Variants in FBXL17 observed in about 807,000 individuals in gnomAD.
FBXL17 encodes the protein F-box and leucine rich repeat protein 17, also known as F-box/LRR-repeat protein 17.
In FBXL17, 22 loss-of-function variants were observed where a neutral mutation model predicts 66.2. The observed-to-expected ratio is 0.33, with a 90% CI of 0.24 to 0.47. The LOEUF is 0.47. FBXL17 is among the 20% of genes least tolerant of loss of function. The pLI, the probability that FBXL17 is intolerant of heterozygous loss-of-function variation, is 1.00. For synonymous variants in FBXL17, 474 were observed against 400.5 expected, an observed-to-expected ratio of 1.18 and a Z score of -2.19; for missense variants, 878 against 948.2, an observed-to-expected ratio of 0.93 and a Z score of 0.97.
intron 6 of FBXL17, among the ~76,000 whole-genome samples, chr5:108,069,372 A>C (rs1333667081): frequency 6.6e-6 from 1 of 152,230 alleles, no homozygotes; most frequent in African/African-American, 2.4e-5. Flanking sequence ...AAAAATAGGA[A>C]CATTAAGGAT....
chr5:107,920,684 G>T (rs144660951), intron 7 of FBXL17, among the ~76,000 whole-genome samples: 2 of 152,250 alleles, frequency 1.3e-5, no homozygotes, highest in Non-Finnish European at 2.9e-5. Flanking sequence ...AATGACTTCT[G>T]TATAGCACCT....
intron 6 of FBXL17, among the ~76,000 whole-genome samples, chr5:108,088,700 C>CAAAAAAAAAAAAAAAAAA (rs57707936): frequency 8.1e-5 from 4 of 49,346 alleles, no homozygotes; most frequent in African/African-American, 3.5e-4. Context: ...GACTCTATCT[C>CAAAAAAAAAAAAAAAAAA]AAAAAAAAAA....
chr5:108,230,332 A>G (rs1755273328), intron 4 of FBXL17, among the ~76,000 whole-genome samples: 1 of 152,228 alleles, frequency 6.6e-6, no homozygotes, highest in African/African-American at 2.4e-5. Flanking sequence ...AATGCCTATC[A>G]GTCAATGAGG....
chr5:108,286,179 A>G (rs560121968), intron 4 of FBXL17, among the ~76,000 whole-genome samples: 1 of 152,176 alleles, frequency 6.6e-6, no homozygotes, highest in Admixed American at 6.6e-5. Context: ...ACCCACAGCC[A>G]ACATCATACT....
intron 6 of FBXL17, among the ~76,000 whole-genome samples, chr5:108,037,532 T>C (rs1049728017): frequency 6.6e-6 from 1 of 152,210 alleles, no homozygotes; most frequent in South Asian, 2.1e-4. Flanking sequence ...TTACTTGAGG[T>C]ACCTGGAACA....
chr5:108,195,898 T>A (rs956158851), intron 5 of FBXL17, among the ~76,000 whole-genome samples: 4 of 152,122 alleles, frequency 2.6e-5, no homozygotes, highest in Non-Finnish European at 4.4e-5. Context: ...TTGTTGCAAC[T>A]AACAAAGACA....
At chr5:107,914,797 A>G (rs1750073364) in intron 7 of FBXL17, among the ~76,000 whole-genome samples, 1 of 152,184 alleles carries the variant, frequency 6.6e-6, no homozygotes, top group Admixed American at 6.5e-5. Flanking sequence ...TGAGTAAGAC[A>G]AAGTGGAAGG....
chr5:108,298,437 T>C, intron 4 of FBXL17: 1 of 974,632 alleles, frequency 1.0e-6, no homozygotes, highest in Non-Finnish European at 1.2e-6. Context: ...AACTAAAATC[T>C]AAACAAAACT....
chr5:108,376,186 A>G (rs1247976264), intron 1 of FBXL17, among the ~76,000 whole-genome samples: 1 of 152,222 alleles, frequency 6.6e-6, no homozygotes, highest in Non-Finnish European at 1.5e-5. Flanking sequence ...TAATGGTAAA[A>G]GTCTAAAAGT....
At chr5:108,341,072 C>T (rs1746850763) in intron 4 of FBXL17, among the ~76,000 whole-genome samples, 1 of 152,036 alleles carries the variant, frequency 6.6e-6, no homozygotes, top group African/African-American at 2.4e-5. Flanking sequence ...TGCAATACTG[C>T]CTCTGATAGT....
At chr5:108,126,661 A>C (rs202044207) in intron 6 of FBXL17, among the ~76,000 whole-genome samples, 33,792 of 117,296 alleles carry the variant, frequency 0.29, 4,482 homozygotes, top group East Asian at 0.36. Flanking sequence ...CTATATATAT[A>C]TACATATATA....
At position 107,861,529 on chromosome 5, in the gene FBXL17, A is replaced by C. The variant is rs1748121823; in HGVS notation, c.*191T>G. 4 of 446,266 alleles carry C rather than the reference A, an allele frequency of 9.0e-6. No individual in the cohort carries two copies. In the East Asian group the frequency reaches 1.5e-4, roughly 17 times the overall value. 27.6% of individuals were successfully genotyped at this position (446,266 alleles called of 1,614,324 possible). A position where few individuals can be genotyped will look rare whatever the true frequency, so the allele number is the denominator to read the frequency against. ...CATAATCTTTAATTTCTAAGAAAAA[A>C]AGCCAGCTCACTTGGGAACAAATGA... On this transcript the variant is annotated 3_prime_UTR_variant, in exon 9 of 9. Coordinates refer to ENST00000542267, the MANE Select transcript of FBXL17 (RefSeq NM_001163315.3).
intron 6 of FBXL17, among the ~76,000 whole-genome samples, chr5:108,094,009 C>T (rs1474532125): frequency 6.6e-6 from 1 of 152,044 alleles, no homozygotes; most frequent in Non-Finnish European, 1.5e-5. Flanking sequence ...ACTTGATGTT[C>T]TAAAATAATA....
At chr5:108,007,696 T>C (rs1201688504) in intron 7 of FBXL17, among the ~76,000 whole-genome samples, 1 of 152,132 alleles carries the variant, frequency 6.6e-6, no homozygotes, top group Non-Finnish European at 1.5e-5. Context: ...TTATGAACAA[T>C]ATTTAAAAAG....
chr5:108,379,508 C>T (rs1029139454), intron 1 of FBXL17, among the ~76,000 whole-genome samples: 2 of 152,040 alleles, frequency 1.3e-5, no homozygotes, highest in African/African-American at 4.8e-5. Context: ...AATAATATCA[C>T]TGTAAAACAG....
chr5:108,321,296 G>A (rs1759608544), intron 4 of FBXL17, among the ~76,000 whole-genome samples: 1 of 151,778 alleles, frequency 6.6e-6, no homozygotes, highest in Non-Finnish European at 1.5e-5. Flanking sequence ...GTGTCTATGG[G>A]TAGAGGTAAA....
At chr5:108,038,023 TAG>T (rs1178645417) in intron 6 of FBXL17, among the ~76,000 whole-genome samples, 1 of 152,172 alleles carries the variant, frequency 6.6e-6, no homozygotes, top group Non-Finnish European at 1.5e-5. Flanking sequence ...AGAAGATGAT[TAG>T]CTAAATACAG....
In FBXL17 at chr5:108,230,724, A is replaced by C. The variant is rs541860929; in HGVS notation, c.1507-6496T>G. ...TGTTCCCCAGAAACCTATGGAAATA[A>C]ATTTAAAAAAAAAAAAAAGCAAAAT... On this transcript the variant is annotated intron_variant, in intron 4 of 8. Transcript: ENST00000542267. Among the ~76,000 whole-genome samples, 3 of 112,046 alleles carry C rather than the reference A, an allele frequency of 2.7e-5. No homozygotes were observed. In the South Asian group the frequency reaches 9.1e-4, roughly 34 times the overall value. 73.5% of individuals were successfully genotyped at this position (112,046 alleles called of 152,430 possible). A position where few individuals can be genotyped will look rare whatever the true frequency, so the allele number is the denominator to read the frequency against.
intron 4 of FBXL17, chr5:108,299,776 A>T (rs1580771628): frequency 1.0e-6 from 1 of 985,106 alleles, no homozygotes; most frequent in African/African-American, 1.7e-5. Context: ...TGAAATTCGG[A>T]AGGCTCCAGA....
Sources: allele counts gnomAD v4.1 joint callset (sites outside exome capture counted in the v4.1 genomes callset), GRCh38; gene constraint gnomAD v4.1.1; transcripts MANE v1.5; gene names NCBI Gene and HGNC (gene_info 2026-07-23, HGNC 2026-07-21).